INHBB: variants seen among roughly 807,000 people sequenced by gnomAD.
INHBB encodes the protein inhibin beta B chain.
A neutral mutation model predicts 28.9 loss-of-function variants in INHBB; 8 were observed. The ratio of observed to expected loss-of-function variants is 0.28; its 90% CI spans 0.16 to 0.50. INHBB has a LOEUF of 0.50. Ranked by LOEUF, INHBB falls within the 20% of genes least tolerant of loss-of-function variation. INHBB has a pLI of 0.98. For missense variants in INHBB, 499 were observed against 597.8 expected, an observed-to-expected ratio of 0.83 and a Z score of 1.72; for synonymous variants, 293 against 262.7, an observed-to-expected ratio of 1.12 and a Z score of -1.12.
chr2:120,346,270 G>A lies in INHBB; in HGVS notation c.82G>A (p.Gly28Ser). The A allele has an allele frequency of 7.4e-7, 1 of 1,353,724 alleles. No homozygotes were observed. The highest frequency in any genetic ancestry group is 9.4e-7 in the Non-Finnish European group (1 of 1,061,010). 83.9% of individuals were successfully genotyped at this position (1,353,724 alleles called of 1,614,324 possible). ...AAGWLGPEAW[G>S]SPTPPPTPAA... Reference sequence around the variant, plus strand: ...CGGCTGGCTGGGGCCTGAGGCCTGGGGCTCACCCACGCCCCCGCCGACGCC... The same window carrying A: ...CGGCTGGCTGGGGCCTGAGGCCTGGAGCTCACCCACGCCCCCGCCGACGCC... The change falls in exon 1 of 2, where the codon GGC (glycine) becomes AGC (serine). Residue 28 changes from glycine (G) to serine (S), a missense_variant. By Grantham distance (56) the Gly-to-Ser change is moderately conservative. This residue lies in a region of INHBB where 385 missense variants were observed against 415.2 expected (regional missense o/e 0.93). Coordinates refer to ENST00000295228, the MANE Select transcript of INHBB (RefSeq NM_002193.4).
chr2:120,348,606 G>T (rs2104574241), intron 1 of INHBB, among the ~76,000 whole-genome samples: 1 of 140,394 alleles, frequency 7.1e-6, no homozygotes, highest in South Asian at 2.3e-4. Context: ...GTAAACACTG[G>T]AAAGAGGCGG....
In INHBB at chr2:120,349,906, C is replaced by T. The variant is rs771623551; in HGVS notation, c.*32C>T. 2.3e-5 allele frequency: 36 copies of T among 1,582,590 alleles called. No homozygotes were observed. Among genetic ancestry groups the T allele is most frequent in the East Asian group, 2.0e-4 (9 of 44,436 alleles). ...AAGGCAGGGGCACGGTGGTGGGGCA[C>T]GGAGGGCAGTCCCGGGTGGGCTTCT... On this transcript the variant is annotated 3_prime_UTR_variant, in exon 2 of 2. Coordinates refer to ENST00000295228, the MANE Select transcript of INHBB (RefSeq NM_002193.4). This position sits in a 1 kb window ranked among gnomAD's most constrained non-coding sequence, Gnocchi z 5.6.
chr2:120,349,034 G>A lies in INHBB; in HGVS notation c.449-65G>A, dbSNP rs544293835. Reference sequence around the variant, plus strand: ...ATTCCAGCATCCTGCAGCAGAGAGTGTGTTTCCCCCATTGCCTTGTGTTCT... The same window carrying A: ...ATTCCAGCATCCTGCAGCAGAGAGTATGTTTCCCCCATTGCCTTGTGTTCT... On this transcript the variant is annotated intron_variant, in intron 1 of 1. Coordinates refer to ENST00000295228, the MANE Select transcript of INHBB (RefSeq NM_002193.4). The surrounding 1 kb of genome is among the most constrained non-coding windows in gnomAD (Gnocchi z 5.6). 11 of 1,514,472 alleles carry A rather than the reference G, an allele frequency of 7.3e-6. No homozygotes were observed. In the African/African-American group the frequency reaches 1.4e-4, roughly 19 times the overall value. The allele number at this position is 1,514,472 out of a possible 1,614,324, so 93.8% of individuals were successfully genotyped here. A position where few individuals can be genotyped will look rare whatever the true frequency, so the allele number is the denominator to read the frequency against.
At position 120,349,659 on chromosome 2, in the gene INHBB, C is replaced by A; in HGVS notation, c.1009C>A (p.Pro337Thr). The change falls in exon 2 of 2, where the codon CCA (proline) becomes ACA (threonine). Residue 337 changes from proline (P) to threonine (T), a missense_variant. Physicochemically the swap from Pro to Thr is conservative, Grantham distance 38. Coordinates refer to ENST00000295228, the MANE Select transcript of INHBB (RefSeq NM_002193.4). The surrounding 1 kb of genome is among the most constrained non-coding windows in gnomAD (Gnocchi z 5.6). ...YYGNYCEGSC[P>T]AYLAGVPGSA... is the part of the protein sequence containing the mutation. ...CGGGAACTACTGTGAGGGCAGCTGC[C>A]CAGCCTACCTGGCAGGGGTCCCCGG... The A allele has an allele frequency of 6.2e-7, 1 of 1,613,832 alleles. No homozygotes were observed. The highest frequency in any genetic ancestry group is 8.5e-7 in the Non-Finnish European group (1 of 1,180,044).
Position 120,349,694 on chromosome 2 carries a change from C to T in INHBB, c.1044C>T (p.Ser348=). 6.2e-7 allele frequency: 1 copy of T among 1,613,878 alleles called. No individual in the cohort carries two copies. Among genetic ancestry groups the T allele is most frequent in the Non-Finnish European group, 8.5e-7 (1 of 1,180,052 alleles). The change falls in exon 2 of 2, where the codon TCC becomes TCT. Residue 348 remains serine, a synonymous_variant. Coordinates refer to ENST00000295228, the MANE Select transcript of INHBB (RefSeq NM_002193.4). The surrounding 1 kb of genome is among the most constrained non-coding windows in gnomAD (Gnocchi z 5.6). The part of the protein sequence containing the change: ...AYLAGVPGSA[S]SFHTAVVNQY... ...TGGCAGGGGTCCCCGGCTCTGCCTC[C>T]TCCTTCCACACGGCTGTGGTGAACC... is the stretch of plus-strand genomic sequence containing the variant.
chr2:120,349,454 C>T lies in INHBB; in HGVS notation c.804C>T (p.Gly268=), dbSNP rs201383879. The T allele has an allele frequency of 1.3e-5, 21 of 1,613,702 alleles. No individual in the cohort carries two copies. The South Asian group carries it at 1.4e-4, about 11-fold the overall frequency. The part of the protein sequence containing the change: ...LAVVPVFVDP[G]EESHRPFVVV... ...TGGTGCCGGTGTTCGTGGACCCAGGCGAAGAGTCGCACCGGCCCTTTGTGG... is the reference window on the plus strand; with the variant it reads ...TGGTGCCGGTGTTCGTGGACCCAGGTGAAGAGTCGCACCGGCCCTTTGTGG... The change falls in exon 2 of 2, where the codon GGC becomes GGT. Residue 268 remains glycine, a synonymous_variant. Coordinates refer to ENST00000295228, the MANE Select transcript of INHBB (RefSeq NM_002193.4). The surrounding 1 kb of genome is among the most constrained non-coding windows in gnomAD (Gnocchi z 5.6).
chr2:120,351,376 A>G lies in INHBB; in HGVS notation c.*1502A>G, dbSNP rs1691255884. ...TGATTAGTCAGAAACTGCCATTTGA[A>G]AAAAAGTTATTTTTATAGCAGCAAA... is the stretch of plus-strand genomic sequence containing the variant. On this transcript the variant is annotated 3_prime_UTR_variant, in exon 2 of 2. Transcript: ENST00000295228. 1 of 151,380 alleles carries G rather than the reference A, an allele frequency of 6.6e-6. No homozygotes were observed. The highest frequency in any genetic ancestry group is 6.6e-5 in the Admixed American group (1 of 15,196). 9.4% of individuals were successfully genotyped at this position (151,380 alleles called of 1,614,324 possible). A position where few individuals can be genotyped will look rare whatever the true frequency, so the allele number is the denominator to read the frequency against.
rs1435001164 is a variant in INHBB at position 120,351,512 on chromosome 2, G to T, written c.*1638G>T. The T allele has an allele frequency of 1.3e-5, 2 of 152,174 alleles. No homozygotes were observed. Among genetic ancestry groups the T allele is most frequent in the Non-Finnish European group, 2.9e-5 (2 of 68,026 alleles). The allele number at this position is 152,174 out of a possible 1,614,324, so 9.4% of individuals were successfully genotyped here. A position where few individuals can be genotyped will look rare whatever the true frequency, so the allele number is the denominator to read the frequency against. ...CGGTGAGGCCATCTGAGATGAGGTG[G>T]ACGTTCTGAGCAGTCCCTTGAGTGG... On this transcript the variant is annotated 3_prime_UTR_variant, in exon 2 of 2. Transcript: ENST00000295228.
At chr2:120,347,402 C>T (rs546606890) in intron 1 of INHBB, among the ~76,000 whole-genome samples, 8 of 150,422 alleles carry the variant, frequency 5.3e-5, no homozygotes, top group Non-Finnish European at 8.9e-5. Context: ...TCCGCCCCCC[C>T]CCCCGGCCCC....
Position 120,346,634 on chromosome 2 carries a change from C to G in INHBB, c.446C>G (p.Thr149Arg). 1 of 1,439,922 alleles carries G rather than the reference C, an allele frequency of 6.9e-7. No homozygotes were observed. Among genetic ancestry groups the G allele is most frequent in the Non-Finnish European group, 9.1e-7 (1 of 1,102,612 alleles). The allele number at this position is 1,439,922 out of a possible 1,614,324, so 89.2% of individuals were successfully genotyped here. The stretch of plus-strand genomic sequence containing the variant: ...TCCGAAATCATCAGCTTCGCCGAGA[C>G]AGGTGGGTCCGGCCCTCCGGCTGTC... ...RVSEIISFAE[T>R]DGLASSRVRL... Residue 149 changes from threonine to arginine, a missense_variant and splice_region_variant, in exon 1 of 2, where the codon ACA becomes AGA. By Grantham distance (71) the Thr-to-Arg change is moderately conservative (BLOSUM62 -1). Transcript: ENST00000295228.
In INHBB at chr2:120,349,417, A is replaced by G; in HGVS notation, c.767A>G (p.Gln256Arg). 1 of 1,613,756 alleles carries G rather than the reference A, an allele frequency of 6.2e-7. No individual in the cohort carries two copies. The highest frequency in any genetic ancestry group is 8.5e-7 in the Non-Finnish European group (1 of 1,180,034). The change falls in exon 2 of 2, where the codon CAG (glutamine) becomes CGG (arginine). Residue 256 changes from glutamine to arginine, a missense_variant. Physicochemically the swap from Gln to Arg is conservative, Grantham distance 43. Around this residue, in one of 2 missense-constraint regions of INHBB, gnomAD observed 385 missense variants for 415.2 expected, o/e 0.93. Transcript: ENST00000295228. This position sits in a 1 kb window ranked among gnomAD's most constrained non-coding sequence, Gnocchi z 5.6. The stretch of plus-strand genomic sequence containing the variant: ...CTAGACGTGCAGTGTGACAGCTGCC[A>G]GGAGCTGGCCGTGGTGCCGGTGTTC... ...LNLDVQCDSC[Q>R]ELAVVPVFVD... is the part of the protein sequence containing the mutation.
chr2:120,346,401 C>A lies in INHBB; in HGVS notation c.213C>A (p.Asp71Glu). 1.3e-6 allele frequency: 2 copies of A among 1,539,162 alleles called. No individual in the cohort carries two copies. The highest frequency in any genetic ancestry group is 8.7e-7 in the Non-Finnish European group (1 of 1,149,752). The change falls in exon 1 of 2, where the codon GAC becomes GAA. Residue 71 changes from aspartate to glutamate, a missense_variant. Around this residue, in one of 2 missense-constraint regions of INHBB, gnomAD observed 385 missense variants for 415.2 expected, o/e 0.93. Transcript: ENST00000295228. ...GGCCAGAGGAGCTCGGCCGAGTGGA[C>A]GGCGACTTCCTGGAGGCGGTGAAGC... ...FRRPEELGRV[D>E]GDFLEAVKRH...
rs1691154129 is a variant in INHBB at position 120,346,441 on chromosome 2, C to T, written c.253C>T (p.Arg85Cys). ...LEAVKRHILSRLQMRGRPNIT... is the reference protein window; with the variant it reads ...LEAVKRHILSCLQMRGRPNIT... ...GGCGGTGAAGCGGCACATCTTGAGC[C>T]GCCTGCAGATGCGGGGCCGGCCCAA... The change falls in exon 1 of 2, where the codon CGC (arginine) becomes TGC (cysteine). Residue 85 changes from arginine to cysteine, a missense_variant. Physicochemically the swap from Arg to Cys is radical, Grantham distance 180. Coordinates refer to ENST00000295228, the MANE Select transcript of INHBB (RefSeq NM_002193.4). 6.4e-7 allele frequency: 1 copy of T among 1,554,648 alleles called. No individual in the cohort carries two copies. The highest frequency in any genetic ancestry group is 1.4e-5 in the African/African-American group (1 of 71,226).
rs1213220356 is a variant in INHBB at position 120,349,871 on chromosome 2, C to T, written c.1221C>T (p.Ala407=). 6.2e-7 allele frequency: 1 copy of T among 1,607,304 alleles called. No homozygotes were observed. The highest frequency in any genetic ancestry group is 1.1e-5 in the South Asian group (1 of 90,456). ...TGATTGTGGAGGAGTGCGGCTGCGC[C>T]TGACAGTGCAAGGCAGGGGCACGGT... ...PNMIVEECGC[A] is the part of the protein sequence containing the mutation. The change falls in exon 2 of 2, where the codon GCC becomes GCT. Residue 407 remains alanine, a synonymous_variant. Transcript: ENST00000295228. The surrounding 1 kb of genome is among the most constrained non-coding windows in gnomAD (Gnocchi z 5.6).
Position 120,346,396 on chromosome 2 carries a change from G to A in INHBB, c.208G>A (p.Val70Met). 2.6e-6 allele frequency: 4 copies of A among 1,536,688 alleles called. No individual in the cohort carries two copies. The highest frequency in any genetic ancestry group is 2.6e-6 in the Non-Finnish European group (3 of 1,148,410). The change falls in exon 1 of 2, where the codon GTG (valine) becomes ATG (methionine). Residue 70 changes from valine (V) to methionine (M), a missense_variant. By Grantham distance (21) the Val-to-Met change is conservative. Transcript: ENST00000295228. ...CCGGCGGCCAGAGGAGCTCGGCCGA[G>A]TGGACGGCGACTTCCTGGAGGCGGT... ...GFRRPEELGR[V>M]DGDFLEAVKR...
At position 120,346,222 on chromosome 2, in the gene INHBB, G is replaced by C. The variant is rs1473807788; in HGVS notation, c.34G>C (p.Ala12Pro). The C allele has an allele frequency of 8.2e-7, 1 of 1,215,108 alleles. No individual in the cohort carries two copies. Among genetic ancestry groups the C allele is most frequent in the African/African-American group, 1.6e-5 (1 of 63,326 alleles). 75.3% of individuals were successfully genotyped at this position (1,215,108 alleles called of 1,614,324 possible). Residue 12 changes from alanine to proline, a missense_variant, in exon 1 of 2, where the codon GCC (alanine) becomes CCC (proline). Transcript: ENST00000295228. ...GCTGCCCGGTCGGGCGCTGGGGGCC[G>C]CCTGCCTTCTGCTGCTGGCGGCCGG... ...DGLPGRALGA[A>P]CLLLLAAGWL...
Position 120,350,015 on chromosome 2 carries a change from C to T in INHBB, c.*141C>T, listed in dbSNP as rs542266466. On this transcript the variant is annotated 3_prime_UTR_variant, in exon 2 of 2. Coordinates refer to ENST00000295228, the MANE Select transcript of INHBB (RefSeq NM_002193.4). ...TGTGGAGATAGTGCCAGGGTGCGGC[C>T]TGAGATATTTTTCTACAGCTTCATA... 2 of 823,464 alleles carry T rather than the reference C, an allele frequency of 2.4e-6. No homozygotes were observed. Among genetic ancestry groups the T allele is most frequent in the East Asian group, 5.4e-5 (2 of 36,990 alleles). 51.0% of individuals were successfully genotyped at this position (823,464 alleles called of 1,614,324 possible).
At chr2:120,348,071 C>G (rs1043387332) in intron 1 of INHBB, among the ~76,000 whole-genome samples, 2 of 152,076 alleles carry the variant, frequency 1.3e-5, no homozygotes, top group South Asian at 4.1e-4. Flanking sequence ...CCAAGACCAG[C>G]TTTTAAGGCT....
chr2:120,349,223 G>A lies in INHBB; in HGVS notation c.573G>A (p.Lys191=), dbSNP rs780723691. 5.0e-5 allele frequency: 80 copies of A among 1,614,056 alleles called. 1 individual carries two copies. Among genetic ancestry groups the A allele is most frequent in the Non-Finnish European group, 1.7e-6 (2 of 1,180,046 alleles). ...YLKLLPYVLE[K]GSRRKVRVKV... ...AACTCCTGCCCTACGTCCTGGAGAA[G>A]GGCAGCCGGCGGAAGGTGCGGGTCA... Residue 191 remains lysine (K), a synonymous_variant, in exon 2 of 2, where the codon AAG becomes AAA. Coordinates refer to ENST00000295228, the MANE Select transcript of INHBB (RefSeq NM_002193.4). This position sits in a 1 kb window ranked among gnomAD's most constrained non-coding sequence, Gnocchi z 5.6.
Sources: allele counts gnomAD v4.1 joint callset (sites outside exome capture counted in the v4.1 genomes callset), GRCh38; gene constraint gnomAD v4.1.1; regional missense constraint gnomAD v4.1.1; non-coding constraint Gnocchi (gnomAD v3.1); transcripts MANE v1.5; gene names NCBI Gene and HGNC (gene_info 2026-07-23, HGNC 2026-07-21).